The following ST6GALNAC5 variants were observed in gnomAD, a reference collection of about 807,000 sequenced individuals.
ST6GALNAC5 encodes alpha-N-acetylgalactosaminide alpha-2,6-sialyltransferase 5.
In ST6GALNAC5, 27 loss-of-function variants were observed where a neutral mutation model predicts 33.6. The observed-to-expected ratio is 0.80, with a 90% CI of 0.59 to 1.11. ST6GALNAC5 has a LOEUF of 1.11. Among genes scored for constraint, ST6GALNAC5 ranks in the 50% least tolerant of loss-of-function variants. The pLI, the probability that ST6GALNAC5 is intolerant of heterozygous loss-of-function variation, is 0.00. For synonymous variants in ST6GALNAC5, 194 were observed against 171.2 expected, an observed-to-expected ratio of 1.13 and a Z score of -1.04; for missense variants, 428 against 454.0, an observed-to-expected ratio of 0.94 and a Z score of 0.52.
intron 2 of ST6GALNAC5, among the ~76,000 whole-genome samples, chr1:77,039,233 C>G (rs1252892192): frequency 6.6e-6 from 1 of 152,216 alleles, no homozygotes; most frequent in Non-Finnish European, 1.5e-5. Flanking sequence ...TTTTCCTGGG[C>G]ATTTTTCACC....
At chr1:76,985,805 A>G (rs564802452) in intron 2 of ST6GALNAC5, among the ~76,000 whole-genome samples, 84 of 152,352 alleles carry the variant, frequency 5.5e-4, no homozygotes, top group Non-Finnish European at 1.2e-3. Context: ...GTACCAAAAC[A>G]GATATATAGA....
intron 2 of ST6GALNAC5, among the ~76,000 whole-genome samples, chr1:76,981,869 G>T (rs146488263): frequency 2.2e-4 from 33 of 152,306 alleles, no homozygotes; most frequent in African/African-American, 7.5e-4. Context: ...CAGGCAAACA[G>T]GGTCTGGAGT....
At chr1:77,012,671 A>G (rs1403847434) in intron 2 of ST6GALNAC5, among the ~76,000 whole-genome samples, 1 of 152,210 alleles carries the variant, frequency 6.6e-6, no homozygotes, top group East Asian at 1.9e-4. Flanking sequence ...ACTTTTCTAG[A>G]TGCTTTTTAG....
intron 2 of ST6GALNAC5, among the ~76,000 whole-genome samples, chr1:77,031,108 A>G (rs750878633): frequency 6.6e-6 from 1 of 152,250 alleles, no homozygotes; most frequent in Non-Finnish European, 1.5e-5. Context: ...ATGTTTAGCA[A>G]GATTAAAGCA....
intron 2 of ST6GALNAC5, among the ~76,000 whole-genome samples, chr1:77,005,123 G>C (rs1348105334): frequency 6.6e-6 from 1 of 152,184 alleles, no homozygotes. Context: ...ATCTCAGACT[G>C]CTGTGCTAGC....
At chr1:76,873,367 C>T (rs1295212011) in intron 2 of ST6GALNAC5, among the ~76,000 whole-genome samples, 1 of 152,176 alleles carries the variant, frequency 6.6e-6, no homozygotes, top group African/African-American at 2.4e-5. Flanking sequence ...GTTTATTTGT[C>T]TATTTTCTGC....
chr1:76,981,352 G>A (rs994314407), intron 2 of ST6GALNAC5, among the ~76,000 whole-genome samples: 13 of 152,188 alleles, frequency 8.5e-5, no homozygotes, highest in African/African-American at 2.7e-4. Context: ...TGCCTGGCTC[G>A]ATGGGTCCCA....
intron 2 of ST6GALNAC5, among the ~76,000 whole-genome samples, chr1:76,993,120 C>T (rs933292799): frequency 6.6e-6 from 1 of 152,184 alleles, no homozygotes; most frequent in African/African-American, 2.4e-5. Flanking sequence ...TTGCCTTCCC[C>T]AGGAGTTCCT....
intron 2 of ST6GALNAC5, among the ~76,000 whole-genome samples, chr1:76,975,479 G>T (rs556392761): frequency 2.6e-5 from 4 of 152,252 alleles, no homozygotes; most frequent in African/African-American, 9.6e-5. Context: ...AGCATTATAC[G>T]TTCAAAAATT....
intron 2 of ST6GALNAC5, among the ~76,000 whole-genome samples, chr1:76,898,567 G>A (rs1646782265): frequency 6.6e-6 from 1 of 152,222 alleles, no homozygotes; most frequent in Non-Finnish European, 1.5e-5. Flanking sequence ...GAGTCTCAGG[G>A]TTGCTGCCGA....
chr1:77,042,501 C>A (rs1651863795), intron 2 of ST6GALNAC5, among the ~76,000 whole-genome samples: 1 of 152,194 alleles, frequency 6.6e-6, no homozygotes, highest in Non-Finnish European at 1.5e-5. Flanking sequence ...GTAGAACCTC[C>A]ATTTCATAAG....
At chr1:76,947,574 T>TA (rs1227733451) in intron 2 of ST6GALNAC5, among the ~76,000 whole-genome samples, 1 of 151,922 alleles carries the variant, frequency 6.6e-6, no homozygotes, top group Non-Finnish European at 1.5e-5. Flanking sequence ...CCATCTCTAA[T>TA]AAAAAATTTT....
At chr1:77,010,554 CA>C (rs1169236431) in intron 2 of ST6GALNAC5, among the ~76,000 whole-genome samples, 1 of 152,082 alleles carries the variant, frequency 6.6e-6, no homozygotes, top group Non-Finnish European at 1.5e-5. Flanking sequence ...TACACACTTC[CA>C]AGCAGTGACC....
intron 2 of ST6GALNAC5, among the ~76,000 whole-genome samples, chr1:76,977,588 C>A (rs1266809976): frequency 6.6e-6 from 1 of 152,170 alleles, no homozygotes; most frequent in Non-Finnish European, 1.5e-5. Flanking sequence ...CTGTGCCTGG[C>A]TTACTTCACT....
At chr1:76,995,567 C>T (rs1356633713) in intron 2 of ST6GALNAC5, 1 of 151,980 alleles carries the variant, frequency 6.6e-6, no homozygotes, top group African/African-American at 2.4e-5. Context: ...CTCCTTTTCT[C>T]AGCTTTCTGT....
chr1:77,003,419 C>T (rs1234107044), intron 2 of ST6GALNAC5, among the ~76,000 whole-genome samples: 2 of 150,264 alleles, frequency 1.3e-5, no homozygotes, highest in African/African-American at 4.9e-5. Flanking sequence ...GAATACAGCA[C>T]ACTGATGGCT....
At chr1:76,916,624 AC>A (rs1646977701) in intron 2 of ST6GALNAC5, among the ~76,000 whole-genome samples, 1 of 152,172 alleles carries the variant, frequency 6.6e-6, no homozygotes, top group Non-Finnish European at 1.5e-5. Flanking sequence ...AGGAGAAACC[AC>A]AAGGCTTGAA....
intron 2 of ST6GALNAC5, among the ~76,000 whole-genome samples, chr1:76,962,269 C>T (rs1406188789): frequency 6.6e-6 from 1 of 152,172 alleles, no homozygotes. Context: ...GTGTTCATTT[C>T]TAGTCATATC....
intron 2 of ST6GALNAC5, among the ~76,000 whole-genome samples, chr1:76,969,163 A>C (rs1213446208): frequency 6.6e-6 from 1 of 152,116 alleles, no homozygotes; most frequent in East Asian, 1.9e-4. Context: ...TCACACTGGG[A>C]CTGTTGGACA....
Sources: gnomAD v4.1 joint callset for allele counts (sites outside exome capture counted in the v4.1 genomes callset) on GRCh38, gnomAD v4.1.1 for gene constraint, MANE v1.5 for transcripts, NCBI Gene and HGNC (gene_info 2026-07-23, HGNC 2026-07-21) for gene names.